Variants in RBMS3 observed in about 807,000 individuals in gnomAD.
RBMS3 encodes RNA-binding motif, single-stranded-interacting protein 3.
In RBMS3, 27 loss-of-function variants were observed where a neutral mutation model predicts 66.8. The ratio of observed to expected loss-of-function variants is 0.40; its 90% CI spans 0.30 to 0.56. The LOEUF (loss-of-function observed/expected upper bound fraction) is 0.56, where lower values mean the gene tolerates loss of function less well. Among genes scored for constraint, RBMS3 ranks in the 20% least tolerant of loss-of-function variants. RBMS3 has a pLI of 0.40. For missense variants in RBMS3, 513 were observed against 549.5 expected (o/e 0.93, Z 0.66); for synonymous variants, 188 against 183.0 (o/e 1.03, Z -0.22).
chr3:29,667,039 A>G (rs1053038244), intron 4 of RBMS3, among the ~76,000 whole-genome samples: 1 of 152,216 alleles, frequency 6.6e-6, no homozygotes. Context: ...AATTATCTAA[A>G]AATGTAAATT....
chr3:29,952,144 A>G (rs1227784633), intron 12 of RBMS3, among the ~76,000 whole-genome samples: 10 of 151,948 alleles, frequency 6.6e-5, no homozygotes, highest in Non-Finnish European at 1.3e-4. Context: ...TATATGCATG[A>G]TAGCAGTAGC....
At chr3:29,975,852 G>A (rs1205874193) in intron 12 of RBMS3, among the ~76,000 whole-genome samples, 1 of 151,762 alleles carries the variant, frequency 6.6e-6, no homozygotes, top group Non-Finnish European at 1.5e-5. Context: ...ATTTTAGAAT[G>A]GGCTTGTTTA....
chr3:29,376,761 C>G (rs1455978299), intron 1 of RBMS3, among the ~76,000 whole-genome samples: 2 of 152,044 alleles, frequency 1.3e-5, no homozygotes, highest in African/African-American at 4.8e-5. Flanking sequence ...CAAAAAATTA[C>G]CTGGCGTGGT....
At chr3:29,701,869 C>G (rs963728468) in intron 4 of RBMS3, among the ~76,000 whole-genome samples, 1 of 147,232 alleles carries the variant, frequency 6.8e-6, no homozygotes, top group African/African-American at 2.7e-5. Flanking sequence ...GAGCCCCACC[C>G]CCTGCTCCAC....
chr3:29,986,950 G>C (rs769744123), intron 12 of RBMS3, among the ~76,000 whole-genome samples: 6 of 152,032 alleles, frequency 3.9e-5, no homozygotes, highest in Non-Finnish European at 7.4e-5. Flanking sequence ...TTGAAAAGAG[G>C]AGGAAAACAA....
At chr3:29,691,947 C>CTCTCTCTTTTTTTTTTTTTT (rs1218393454) in intron 4 of RBMS3, among the ~76,000 whole-genome samples, 1 of 53,512 alleles carries the variant, frequency 1.9e-5, no homozygotes, top group African/African-American at 7.5e-5. Context: ...CTCTCTCTCT[C>CTCTCTCTTTTTTTTTTTTTT]TATTTTTTTT....
chr3:29,377,730 G>A (rs193028996), intron 1 of RBMS3, among the ~76,000 whole-genome samples: 20 of 152,272 alleles, frequency 1.3e-4, no homozygotes, highest in Non-Finnish European at 2.1e-4. Context: ...GTCCAGCCAT[G>A]CTCCTGTATC....
At chr3:29,607,856 TATTA>T (rs1204811026) in intron 4 of RBMS3, among the ~76,000 whole-genome samples, 7 of 152,116 alleles carry the variant, frequency 4.6e-5, no homozygotes, top group Non-Finnish European at 7.4e-5. Flanking sequence ...TCCTTTACAA[TATTA>T]ATTCTTTGCT....
chr3:29,845,096 G>C (rs1384416291), intron 6 of RBMS3, among the ~76,000 whole-genome samples: 2 of 152,190 alleles, frequency 1.3e-5, no homozygotes, highest in African/African-American at 4.8e-5. Flanking sequence ...TATAGGCCAT[G>C]GAGGCTCATG....
At chr3:29,670,339 G>A (rs1033426554) in intron 4 of RBMS3, among the ~76,000 whole-genome samples, 3 of 152,166 alleles carry the variant, frequency 2.0e-5, no homozygotes, top group Admixed American at 6.5e-5. Flanking sequence ...CAGCATGAGC[G>A]ACGCAGAAGA....
At chr3:29,298,019 T>C (rs1351790059) in intron 1 of RBMS3, among the ~76,000 whole-genome samples, 1 of 151,936 alleles carries the variant, frequency 6.6e-6, no homozygotes, top group Non-Finnish European at 1.5e-5. Flanking sequence ...ACATTTAGCA[T>C]TGCTAAACTT....
intron 4 of RBMS3, among the ~76,000 whole-genome samples, chr3:29,594,635 G>A (rs751541046): frequency 4.9e-4 from 74 of 152,178 alleles, no homozygotes; most frequent in Non-Finnish European, 9.4e-4. Context: ...AAAATTTTCT[G>A]TAAAAGAAAT....
At chr3:29,581,213 AAG>A (rs2047318200) in intron 3 of RBMS3, among the ~76,000 whole-genome samples, 1 of 152,232 alleles carries the variant, frequency 6.6e-6, no homozygotes, top group Non-Finnish European at 1.5e-5. Flanking sequence ...GATACAAAAG[AAG>A]ATACTGAAGA....
chr3:29,582,185 GATA>G lies in RBMS3; in HGVS notation c.308-4928_308-4926del, dbSNP rs1266938745. ...AGATAGATAGATAGATAGATAGATAGATAGATAGATACACACACACATACATAC... is the reference window on the plus strand; with the variant it reads ...AGATAGATAGATAGATAGATAGATAGGATAGATACACACACACATACATAC... On this transcript the variant is annotated intron_variant, in intron 3 of 14. Coordinates refer to ENST00000383767, the MANE Select transcript of RBMS3 (RefSeq NM_001003793.3). 7.9e-3 allele frequency among the ~76,000 whole-genome samples: 1,195 copies of G among 151,056 alleles called. 8 individuals are homozygous for G. Among genetic ancestry groups the G allele is most frequent in the African/African-American group, 0.028 (1,151 of 40,900 alleles).
chr3:29,367,725 T>G (rs2037985680), intron 1 of RBMS3, among the ~76,000 whole-genome samples: 1 of 152,118 alleles, frequency 6.6e-6, no homozygotes. Context: ...TAGAAGAAAA[T>G]ATAAAGTTGA....
intron 4 of RBMS3, among the ~76,000 whole-genome samples, chr3:29,687,061 A>C (rs1200685181): frequency 6.6e-6 from 1 of 152,152 alleles, no homozygotes; most frequent in Non-Finnish European, 1.5e-5. Flanking sequence ...GAGGTCATGC[A>C]TTTTGAAAGT....
intron 7 of RBMS3, among the ~76,000 whole-genome samples, chr3:29,881,274 CCT>C: frequency 6.6e-6 from 1 of 152,216 alleles, no homozygotes; most frequent in South Asian, 2.1e-4. Flanking sequence ...TCACCCCCAG[CCT>C]CTCTCATCTG....
chr3:29,747,461 C>G (rs1180104803), intron 5 of RBMS3, among the ~76,000 whole-genome samples: 1 of 151,796 alleles, frequency 6.6e-6, no homozygotes, highest in Non-Finnish European at 1.5e-5. Context: ...TGTCAGGTCA[C>G]TATTATCCAA....
intron 2 of RBMS3, among the ~76,000 whole-genome samples, chr3:29,471,313 A>G (rs1333237741): frequency 6.6e-6 from 1 of 152,184 alleles, no homozygotes; most frequent in Non-Finnish European, 1.5e-5. Context: ...GACAGTTAAG[A>G]GAATTTCATT....
Sources: allele counts gnomAD v4.1 joint callset (sites outside exome capture counted in the v4.1 genomes callset), GRCh38; gene constraint gnomAD v4.1.1; transcripts MANE v1.5; gene names NCBI Gene and HGNC (gene_info 2026-07-23, HGNC 2026-07-21).